The following STK31 variants were observed in gnomAD, a reference collection of about 807,000 sequenced individuals.
STK31 encodes serine/threonine kinase 31, also known as serine/threonine-protein kinase 31.
In STK31, 89 loss-of-function variants were observed where a neutral mutation model predicts 129.7. That is an observed-to-expected ratio of 0.69 (90% confidence interval 0.58 to 0.82). STK31 has a LOEUF of 0.82. Among genes scored for constraint, STK31 ranks in the 40% least tolerant of loss-of-function variants. The pLI is 0.00. For missense variants in STK31, 1,187 were observed against 1,176.4 expected (o/e 1.01, Z -0.13); for synonymous variants, 448 against 395.3 (o/e 1.13, Z -1.58).
intron 8 of STK31, among the ~76,000 whole-genome samples, chr7:23,748,279 A>G (rs770020556): frequency 1.3e-5 from 2 of 151,966 alleles, no homozygotes; most frequent in African/African-American, 4.8e-5. Flanking sequence ...ATTGATTTTT[A>G]GCTTATTCTA....
chr7:23,828,287 G>T (rs972736798), intron 23 of STK31, among the ~76,000 whole-genome samples: 3 of 152,332 alleles, frequency 2.0e-5, no homozygotes, highest in African/African-American at 7.2e-5. Context: ...TCAAGCCTGA[G>T]CAATGGCAGG....
intron 22 of STK31, among the ~76,000 whole-genome samples, chr7:23,796,746 G>A (rs1791984673): frequency 1.3e-5 from 2 of 151,794 alleles, no homozygotes; most frequent in Non-Finnish European, 2.9e-5. Context: ...TTTTAAGAAT[G>A]TCTCACACAT....
At chr7:23,768,189 G>A (rs757435776) in intron 11 of STK31, among the ~76,000 whole-genome samples, 1 of 152,046 alleles carries the variant, frequency 6.6e-6, no homozygotes, top group Non-Finnish European at 1.5e-5. Flanking sequence ...TACCTTTTCT[G>A]TGTTTACATA....
intron 8 of STK31, among the ~76,000 whole-genome samples, chr7:23,745,622 A>G (rs1788304599): frequency 6.6e-6 from 1 of 152,144 alleles, no homozygotes; most frequent in Non-Finnish European, 1.5e-5. Context: ...ACACTTTGAC[A>G]CTGGTGGCAG....
chr7:23,745,015 G>A (rs1291074158), intron 8 of STK31, among the ~76,000 whole-genome samples: 3 of 152,196 alleles, frequency 2.0e-5, no homozygotes, highest in African/African-American at 7.2e-5. Context: ...CACGATGTGG[G>A]TGATAGTAGC....
At chr7:23,776,799 G>A (rs544993609) in intron 15 of STK31, among the ~76,000 whole-genome samples, 1 of 151,792 alleles carries the variant, frequency 6.6e-6, no homozygotes, top group South Asian at 2.1e-4. Flanking sequence ...TTTTTTGAAG[G>A]GTTTTTCATG....
chr7:23,791,090 T>C (rs891881782), intron 22 of STK31, 144 bp downstream of exon 22: 1 of 924,786 alleles, frequency 1.1e-6, no homozygotes, highest in Non-Finnish European at 1.4e-6. Flanking sequence ...ATTGATATGC[T>C]TCCTATTACC....
At chr7:23,729,662 A>C (rs1446204681) in intron 6 of STK31, among the ~76,000 whole-genome samples, 3 of 134,142 alleles carry the variant, frequency 2.2e-5, no homozygotes, top group Non-Finnish European at 4.6e-5. Flanking sequence ...GGCCTGTGCC[A>C]CCATGTCCAG....
rs1004335409 is a variant in STK31, at chr7:23,795,283, G to A, written c.2760+4337G>A. On this transcript the variant is annotated intron_variant, in intron 22 of 23. Transcript: ENST00000355870. Reference sequence around the variant, plus strand: ...GGGGCCAAGGTACAGCTCAGGCCATGGCTTTAGAGGGTGCAAGCCCCAAGC... The same window carrying A: ...GGGGCCAAGGTACAGCTCAGGCCATAGCTTTAGAGGGTGCAAGCCCCAAGC... Among the ~76,000 whole-genome samples, 3 of 152,206 alleles carry A rather than the reference G, an allele frequency of 2.0e-5. No individual in the cohort carries two copies. In the East Asian group the frequency reaches 5.8e-4, roughly 29 times the overall value.
At chr7:23,812,662 T>C (rs940373256) in intron 22 of STK31, among the ~76,000 whole-genome samples, 2 of 145,388 alleles carry the variant, frequency 1.4e-5, no homozygotes, top group African/African-American at 2.5e-5. Context: ...ACCCCACCCC[T>C]TTCCCACCCT....
At position 23,769,677 on chromosome 7, in the gene STK31, A is replaced by C. The variant is rs917793165; in HGVS notation, c.1634A>C (p.Glu545Ala). The C allele has an allele frequency of 6.2e-7, 1 of 1,612,056 alleles. No individual in the cohort carries two copies. Among genetic ancestry groups the C allele is most frequent in the Non-Finnish European group, 8.5e-7 (1 of 1,178,870 alleles). ...DLSVEGSLIS[E>A]DAMDNIDEIL... ...TCTGTGGAAGGATCACTGATTTCAG[A>C]AGACGCAATGGATAATATTGATGAA... The change falls in exon 13 of 24, where the codon GAA (glutamate) becomes GCA (alanine). Residue 545 changes from glutamate (E) to alanine (A), a missense_variant. Transcript: ENST00000355870.
At chr7:23,808,699 G>T (rs1480350930) in intron 22 of STK31, among the ~76,000 whole-genome samples, 2 of 152,058 alleles carry the variant, frequency 1.3e-5, no homozygotes, top group East Asian at 3.9e-4. Flanking sequence ...TCCCTGTTTG[G>T]CTTCATGGAT....
intron 15 of STK31, among the ~76,000 whole-genome samples, chr7:23,779,138 G>T (rs1247606432): frequency 6.6e-6 from 1 of 152,180 alleles, no homozygotes; most frequent in Non-Finnish European, 1.5e-5. Context: ...GTCCATTGCA[G>T]ACCCTGTTTG....
At position 23,782,038 on chromosome 7, in the gene STK31, T is replaced by A. The variant is rs184791421; in HGVS notation, c.2067+518T>A. 2.6e-5 allele frequency among the ~76,000 whole-genome samples: 4 copies of A among 152,276 alleles called. No individual in the cohort carries two copies. The East Asian group carries it at 7.7e-4, about 29-fold the overall frequency. On this transcript the variant is annotated intron_variant, in intron 16 of 23. Transcript: ENST00000355870. ...TTGGGGGCAGGAGAAGTTACATCTT[T>A]TAAGTCTCTATTTTTACCACTGATT...
chr7:23,790,559 A>G (rs13244337), intron 21 of STK31, among the ~76,000 whole-genome samples: 22,726 of 152,224 alleles, frequency 0.15, 2,085 homozygotes, highest in Non-Finnish European at 0.21. Flanking sequence ...AAAGAGTATC[A>G]AATGTTTAAT....
chr7:23,789,418 C>G (rs1312895899), intron 21 of STK31, among the ~76,000 whole-genome samples: 1 of 152,072 alleles, frequency 6.6e-6, no homozygotes, highest in Non-Finnish European at 1.5e-5. Flanking sequence ...TTTGTTTTCT[C>G]TACATCCTTG....
intron 15 of STK31, among the ~76,000 whole-genome samples, chr7:23,775,612 A>G (rs1253263428): frequency 2.6e-5 from 4 of 152,160 alleles, no homozygotes; most frequent in Non-Finnish European, 5.9e-5. Flanking sequence ...GAGTTCACTC[A>G]TGATTTGGCT....
chr7:23,734,581 T>C (rs1787609089), intron 6 of STK31, among the ~76,000 whole-genome samples: 1 of 152,208 alleles, frequency 6.6e-6, no homozygotes, highest in African/African-American at 2.4e-5. Context: ...TGATAGATAT[T>C]CAGTAGCTCA....
chr7:23,735,844 ACT>A lies in STK31; in HGVS notation c.793_794del (p.Leu265Ter). ...RPKGHLSEKMTLDLKDENDAG... is the reference protein window; with the variant it reads ...RPKGHLSEKMXLDLKDENDAG... ...CAAGGGGCACTTAAGTGAGAAAATG[ACT>A]CTTGACTTGAAGGATGAAAATGATG... On this transcript the variant is annotated frameshift_variant, in exon 7 of 24. Coordinates refer to ENST00000355870, the MANE Select transcript of STK31 (RefSeq NM_031414.5). LOFTEE classifies it high-confidence loss of function. The A allele has an allele frequency of 6.2e-7, 1 of 1,601,396 alleles. No homozygotes were observed. Among genetic ancestry groups the A allele is most frequent in the Non-Finnish European group, 8.5e-7 (1 of 1,173,048 alleles).
Sources: gnomAD v4.1 joint callset for allele counts (sites outside exome capture counted in the v4.1 genomes callset) on GRCh38, gnomAD v4.1.1 for gene constraint, MANE v1.5 for transcripts, NCBI Gene and HGNC (gene_info 2026-07-23, HGNC 2026-07-21) for gene names.